RBFOX1: variants seen among roughly 807,000 people sequenced by gnomAD.
RBFOX1 encodes RNA binding protein fox-1 homolog 1.
RBFOX1 carries 8 observed loss-of-function variants against 57.7 expected under a neutral mutation model. The observed-to-expected ratio is 0.14, with a 90% CI of 0.08 to 0.25. The LOEUF (loss-of-function observed/expected upper bound fraction) is 0.25. Ranked by LOEUF, RBFOX1 falls within the 10% of genes least tolerant of loss-of-function variation. The pLI is 1.00. For missense variants in RBFOX1, 611 were observed against 548.5 expected (o/e 1.11, Z -1.14); for synonymous variants, 326 against 222.4 (o/e 1.47, Z -4.15).
intron 3 of RBFOX1, among the ~76,000 whole-genome samples, chr16:6,973,735 C>G (rs1017773979): frequency 6.6e-6 from 1 of 152,032 alleles, no homozygotes; most frequent in African/African-American, 2.4e-5. Context: ...TAAGTTTTGG[C>G]GAGCATAACT....
intron 1 of RBFOX1, among the ~76,000 whole-genome samples, chr16:6,230,983 A>T (rs895901787): frequency 1.3e-5 from 2 of 152,230 alleles, no homozygotes; most frequent in Non-Finnish European, 2.9e-5. Flanking sequence ...TGGGAGGAGA[A>T]ATAGTGAACC....
At chr16:7,187,474 G>C (rs978146569) in intron 4 of RBFOX1, among the ~76,000 whole-genome samples, 2 of 151,476 alleles carry the variant, frequency 1.3e-5, no homozygotes, top group African/African-American at 4.9e-5. Context: ...CTAATCACGA[G>C]ATCAGGAGAT....
chr16:7,573,702 C>T lies in RBFOX1; in HGVS notation c.271-6075C>T, dbSNP rs577246187. 7.5e-4 allele frequency among the ~76,000 whole-genome samples: 114 copies of T among 152,116 alleles called. 1 individual carries two copies. Among genetic ancestry groups the T allele is most frequent in the African/African-American group, 2.7e-3 (112 of 41,514 alleles). On this transcript the variant is annotated intron_variant, in intron 5 of 15. Coordinates refer to ENST00000550418, the MANE Select transcript of RBFOX1 (RefSeq NM_018723.4). ...TACAAAAATGAGCCAGGCACAGTGGCACACACCTATAAATCCCAGCTACTC... is the reference window on the plus strand; with the variant it reads ...TACAAAAATGAGCCAGGCACAGTGGTACACACCTATAAATCCCAGCTACTC...
At chr16:6,658,443 G>A (rs902720864) in intron 3 of RBFOX1, among the ~76,000 whole-genome samples, 2 of 152,044 alleles carry the variant, frequency 1.3e-5, no homozygotes, top group South Asian at 2.1e-4. Context: ...TCCTGACCTC[G>A]TGATCCGCCT....
chr16:5,308,262 G>A (rs1156488346), intron 1 of RBFOX1, among the ~76,000 whole-genome samples: 1 of 152,010 alleles, frequency 6.6e-6, no homozygotes, highest in Non-Finnish European at 1.5e-5. Flanking sequence ...GGGAGGCAGA[G>A]GTTGCAGTGA....
intron 2 of RBFOX1, among the ~76,000 whole-genome samples, chr16:5,486,031 C>T (rs1406666505): frequency 6.6e-6 from 1 of 152,228 alleles, no homozygotes; most frequent in African/African-American, 2.4e-5. Context: ...CCTCCTCTCT[C>T]CCTGCTTCCC....
At chr16:6,910,540 A>T (rs1402308873) in intron 3 of RBFOX1, among the ~76,000 whole-genome samples, 1 of 152,220 alleles carries the variant, frequency 6.6e-6, no homozygotes, top group Admixed American at 6.5e-5. Context: ...TCTGGAGGTC[A>T]GAAGTCCAAA....
chr16:7,436,074 T>C, intron 4 of RBFOX1, among the ~76,000 whole-genome samples: 1 of 152,208 alleles, frequency 6.6e-6, no homozygotes. Flanking sequence ...TTTCCACAGA[T>C]GCAAACAACT....
At chr16:5,643,493 C>G (rs1038104231) in intron 3 of RBFOX1, among the ~76,000 whole-genome samples, 1 of 152,188 alleles carries the variant, frequency 6.6e-6, no homozygotes, top group Admixed American at 6.5e-5. Flanking sequence ...AGATTCTGAG[C>G]ATCTGACTTC....
At chr16:5,417,655 T>TG (rs2067196592) in intron 1 of RBFOX1, among the ~76,000 whole-genome samples, 1 of 152,220 alleles carries the variant, frequency 6.6e-6, no homozygotes, top group African/African-American at 2.4e-5. Context: ...AGGTTGGATC[T>TG]GGGGAAGGCC....
chr16:7,226,545 C>G (rs927660875), intron 4 of RBFOX1, among the ~76,000 whole-genome samples: 2 of 152,198 alleles, frequency 1.3e-5, no homozygotes, highest in Non-Finnish European at 1.5e-5. Context: ...AACAAATTCT[C>G]TCAATGGTGC....
At chr16:7,246,522 T>C (rs1321689544) in intron 4 of RBFOX1, among the ~76,000 whole-genome samples, 1 of 152,130 alleles carries the variant, frequency 6.6e-6, no homozygotes, top group Non-Finnish European at 1.5e-5. Flanking sequence ...CCCTTATAAC[T>C]GTACCAAACC....
At chr16:6,278,355 T>C (rs1599106882) in intron 1 of RBFOX1, among the ~76,000 whole-genome samples, 1 of 91,968 alleles carries the variant, frequency 1.1e-5, no homozygotes, top group Non-Finnish European at 2.0e-5. Flanking sequence ...CGTCTCCAAC[T>C]GGGGGAAATT....
At chr16:6,001,071 G>T (rs1227723979) in intron 4 of RBFOX1, among the ~76,000 whole-genome samples, 1 of 152,118 alleles carries the variant, frequency 6.6e-6, no homozygotes, top group African/African-American at 2.4e-5. Context: ...ATGGACAGAT[G>T]GGTAGATATT....
At chr16:7,387,794 G>A (rs1402287178) in intron 4 of RBFOX1, among the ~76,000 whole-genome samples, 2 of 152,158 alleles carry the variant, frequency 1.3e-5, no homozygotes, top group Non-Finnish European at 2.9e-5. Context: ...GAATGCTGGA[G>A]AAAGCTCCGT....
At position 5,492,794 on chromosome 16, in the gene RBFOX1, C is replaced by G. The variant is rs557853953; in HGVS notation, c.258+25540C>G. Among the ~76,000 whole-genome samples, 20 of 152,348 alleles carry G rather than the reference C, an allele frequency of 1.3e-4. No homozygotes were observed. The South Asian group carries it at 3.7e-3, about 28-fold the overall frequency. On this transcript the variant is annotated intron_variant, in intron 2 of 2. Coordinates refer to the RBFOX1 transcript ENST00000585867. ...GAAAGAAAGTCATGAATATCTCACTCTTATTTAGTGTTCTAAACCATTAAA... is the reference window on the plus strand; with the variant it reads ...GAAAGAAAGTCATGAATATCTCACTGTTATTTAGTGTTCTAAACCATTAAA...
At chr16:5,311,705 A>G (rs531065084) in intron 1 of RBFOX1, among the ~76,000 whole-genome samples, 1 of 152,312 alleles carries the variant, frequency 6.6e-6, no homozygotes, top group South Asian at 2.1e-4. Context: ...TCTTTTGAGA[A>G]ATGTCTATTC....
chr16:6,659,752 A>G (rs563235371), intron 3 of RBFOX1, among the ~76,000 whole-genome samples: 1 of 152,294 alleles, frequency 6.6e-6, no homozygotes, highest in East Asian at 1.9e-4. Flanking sequence ...AGTGTTTACA[A>G]GCCTGCCCTT....
intron 4 of RBFOX1, among the ~76,000 whole-genome samples, chr16:7,254,908 C>T (rs1371144275): frequency 6.6e-6 from 1 of 152,120 alleles, no homozygotes; most frequent in African/African-American, 2.4e-5. Context: ...TTTGTACCAT[C>T]ATTTCTCTAG....
Sources: allele counts gnomAD v4.1 joint callset (sites outside exome capture counted in the v4.1 genomes callset), GRCh38; gene constraint gnomAD v4.1.1; transcripts MANE v1.5; gene names NCBI Gene and HGNC (gene_info 2026-07-23, HGNC 2026-07-21).